The following PCDH11X variants were observed in gnomAD, a reference collection of about 807,000 sequenced individuals.
PCDH11X encodes the protein protocadherin 11 X-linked, also known as protocadherin-11 X-linked.
A neutral mutation model predicts 53.3 loss-of-function variants in PCDH11X; 18 were observed. That is an observed-to-expected ratio of 0.34 (90% CI 0.23 to 0.50). The LOEUF is 0.50. Ranked by LOEUF, PCDH11X falls within the 20% of genes least tolerant of loss-of-function variation. PCDH11X has a pLI of 0.98. For synonymous variants in PCDH11X, 279 were observed against 393.3 expected, an observed-to-expected ratio of 0.71 and a Z score of 3.44; for missense variants, 570 against 1,032.4, an observed-to-expected ratio of 0.55 and a Z score of 6.14.
intron 10 of PCDH11X, among the ~76,000 whole-genome samples, chrX:92,497,867 T>C (rs1247605395): frequency 9.0e-6 from 1 of 111,161 alleles, no homozygotes; most frequent in Non-Finnish European, 1.9e-5. Flanking sequence ...TTAAATTATT[T>C]GTAATCAAAA....
At chrX:91,932,479 G>C (rs1213525695) in intron 6 of PCDH11X, among the ~76,000 whole-genome samples, 1 of 98,165 alleles carries the variant, frequency 1.0e-5, no homozygotes, top group Non-Finnish European at 2.1e-5. Flanking sequence ...GAGGGAAAGG[G>C]GAGCAAGAGA....
intron 9 of PCDH11X, among the ~76,000 whole-genome samples, chrX:92,452,465 A>ATATATATATAT (rs1478317611): frequency 6.9e-5 from 1 of 14,449 alleles, no homozygotes; most frequent in East Asian, 8.3e-4. Flanking sequence ...GTGTGTGTGT[A>ATATATATATAT]TATATATATA....
At chrX:92,251,906 T>A (rs1025795784) in intron 7 of PCDH11X, among the ~76,000 whole-genome samples, 1 of 111,356 alleles carries the variant, frequency 9.0e-6, no homozygotes, top group African/African-American at 3.3e-5. Flanking sequence ...TGTCATGTTA[T>A]CTTTATTGTT....
chrX:92,309,836 G>A (rs1781879967), intron 8 of PCDH11X, among the ~76,000 whole-genome samples: 1 of 111,089 alleles, frequency 9.0e-6, no homozygotes, highest in African/African-American at 3.3e-5. Context: ...GTGATAGCAG[G>A]GACAAGAGAC....
chrX:92,439,111 T>C (rs1222639891), intron 9 of PCDH11X, among the ~76,000 whole-genome samples: 2 of 108,810 alleles, frequency 1.8e-5, no homozygotes, highest in East Asian at 2.9e-4. Flanking sequence ...CATAAATATG[T>C]AACCCAGAAT....
rs35313188 is a variant in PCDH11X at position 92,074,568 on chromosome X, GA to G, written c.3034-126799del. Among the ~76,000 whole-genome samples, 119 of 110,935 alleles carry G rather than the reference GA, an allele frequency of 1.1e-3. 1 individual carries two copies. The highest frequency in any genetic ancestry group is 3.7e-3 in the African/African-American group (112 of 30,656). On this transcript the variant is annotated intron_variant, in intron 6 of 10. Transcript: ENST00000682573. ...TTCAATACTCATTTTTATGTTATGT[GA>G]AAAAAAATTTGTTCTATTCATTCAC... is the stretch of plus-strand genomic sequence containing the variant.
chrX:92,504,261 C>T (rs1302248406), intron 10 of PCDH11X, among the ~76,000 whole-genome samples: 2 of 106,557 alleles, frequency 1.9e-5, no homozygotes, highest in African/African-American at 6.8e-5. Context: ...TCACTCTTCT[C>T]TCACTCTCCT....
intron 8 of PCDH11X, among the ~76,000 whole-genome samples, chrX:92,370,573 C>G (rs2070596416): frequency 9.3e-6 from 1 of 107,873 alleles, no homozygotes; most frequent in Admixed American, 9.9e-5. Context: ...GATTCTCCTG[C>G]CCCAGCCTCC....
chrX:92,548,376 G>C (rs995819693), intron 10 of PCDH11X, among the ~76,000 whole-genome samples: 4 of 110,849 alleles, frequency 3.6e-5, no homozygotes, highest in African/African-American at 1.3e-4. Context: ...TCACTATGTT[G>C]CTCAGGCTGA....
intron 8 of PCDH11X, among the ~76,000 whole-genome samples, chrX:92,364,861 C>T (rs1434571495): frequency 1.1e-5 from 1 of 94,925 alleles, no homozygotes; most frequent in Non-Finnish European, 2.1e-5. Flanking sequence ...CAAGATTGCA[C>T]CTGTGAATAG....
At chrX:91,939,984 C>A (rs1385212475) in intron 6 of PCDH11X, among the ~76,000 whole-genome samples, 1 of 110,996 alleles carries the variant, frequency 9.0e-6, no homozygotes, top group Non-Finnish European at 1.9e-5. Context: ...GATGTGTGCC[C>A]TGCCCAAACC....
chrX:92,614,863 C>T (rs185331510), intron 10 of PCDH11X, among the ~76,000 whole-genome samples: 1 of 111,784 alleles, frequency 8.9e-6, no homozygotes, highest in East Asian at 2.8e-4. Context: ...TAGAGATATG[C>T]CTGGGTGTGG....
intron 1 of PCDH11X, among the ~76,000 whole-genome samples, chrX:91,806,193 G>A (rs1334560812): frequency 8.8e-6 from 1 of 113,818 alleles, no homozygotes; most frequent in Non-Finnish European, 1.9e-5. Flanking sequence ...CTGTCTTGAG[G>A]TATGCCAAAA....
chrX:92,255,252 A>T (rs1466394951), intron 7 of PCDH11X, among the ~76,000 whole-genome samples: 1 of 105,959 alleles, frequency 9.4e-6, no homozygotes. Flanking sequence ...AGGCTTCTGC[A>T]TTCTTCACGT....
In PCDH11X at chrX:92,334,024, T is replaced by C. The variant is rs185843656; in HGVS notation, c.3145-53711T>C. On this transcript the variant is annotated intron_variant, in intron 8 of 10. Coordinates refer to ENST00000682573, the MANE Select transcript of PCDH11X (RefSeq NM_032968.5). ...GGTTTGAACTGTATGGATCCAGTTA[T>C]ACGTTGATTTTTTTCAATGAATACT... is the stretch of plus-strand genomic sequence containing the variant. 5.1e-3 allele frequency among the ~76,000 whole-genome samples: 567 copies of C among 111,588 alleles called. 4 individuals are homozygous for C. The highest frequency in any genetic ancestry group is 9.4e-3 in the Middle Eastern group (2 of 213).
At position 92,241,930 on chromosome X, in the gene PCDH11X, A is replaced by G. The variant is rs111322946; in HGVS notation, c.3115-21184A>G. On this transcript the variant is annotated intron_variant, in intron 7 of 10. Coordinates refer to ENST00000682573, the MANE Select transcript of PCDH11X (RefSeq NM_032968.5). ...ATATGTGTGTATTCAGCTCTGTGCA[A>G]TTTTATCACATGTGTATGTTCATGT... Among the ~76,000 whole-genome samples the G allele has an allele frequency of 8.3e-3, 919 of 110,492 alleles. 10 individuals carry two copies. Among genetic ancestry groups the G allele is most frequent in the African/African-American group, 0.029 (892 of 30,306 alleles).
intron 10 of PCDH11X, among the ~76,000 whole-genome samples, chrX:92,586,701 T>C (rs1444515116): frequency 9.1e-6 from 1 of 109,463 alleles, no homozygotes; most frequent in Admixed American, 9.9e-5. Flanking sequence ...ATTACTCATC[T>C]TATGGTATTT....
At chrX:92,442,141 T>A (rs1456469272) in intron 9 of PCDH11X, among the ~76,000 whole-genome samples, 1 of 111,720 alleles carries the variant, frequency 9.0e-6, no homozygotes, top group Admixed American at 9.5e-5. Context: ...TCCCCCATTG[T>A]ATCTAGGAAG....
chrX:91,791,394 G>C (rs1356391121), intron 1 of PCDH11X, among the ~76,000 whole-genome samples: 1 of 110,485 alleles, frequency 9.1e-6, no homozygotes, highest in Non-Finnish European at 1.9e-5. Flanking sequence ...AAGGAGTCAC[G>C]TCTTATATGG....
Sources: allele counts gnomAD v4.1 joint callset (sites outside exome capture counted in the v4.1 genomes callset), GRCh38; gene constraint gnomAD v4.1.1; transcripts MANE v1.5; gene names NCBI Gene and HGNC (gene_info 2026-07-23, HGNC 2026-07-21).